The following GBP7 variants were observed in gnomAD, a reference collection of about 807,000 sequenced individuals.
GBP7 encodes the protein guanylate-binding protein 7.
A neutral mutation model predicts 61.3 loss-of-function variants in GBP7; 43 were observed. The ratio of observed to expected loss-of-function variants is 0.70; its 90% CI spans 0.55 to 0.91. The LOEUF (loss-of-function observed/expected upper bound fraction) is 0.91, where lower values mean the gene tolerates loss of function less well. Ranked by LOEUF, GBP7 falls within the 40% of genes least tolerant of loss-of-function variation. GBP7 has a pLI of 0.00. For missense variants in GBP7, 717 were observed against 740.5 expected (o/e 0.97, Z 0.37); for synonymous variants, 267 against 271.0 (o/e 0.99, Z 0.14).
intron 8 of GBP7, among the ~76,000 whole-genome samples, chr1:89,145,893 A>G (rs1041350225): frequency 4.5e-5 from 4 of 88,022 alleles, no homozygotes; most frequent in Admixed American, 1.2e-4. Context: ...TGTTCATACT[A>G]TCTAAAAAAA....
chr1:89,148,948 C>T (rs1314020032), intron 7 of GBP7, among the ~76,000 whole-genome samples: 1 of 152,214 alleles, frequency 6.6e-6, no homozygotes, highest in African/African-American at 2.4e-5. Context: ...ATTACTAAAT[C>T]AAGCTAATTA....
chr1:89,131,971 G>T lies in GBP7; in HGVS notation c.*178C>A. ...TAGGAATAATTTTATCTTCTAACTT[G>T]TTCCCCATTTCTATTAATTATTACT... On this transcript the variant is annotated 3_prime_UTR_variant, in exon 11 of 11. Coordinates refer to ENST00000294671, the MANE Select transcript of GBP7 (RefSeq NM_207398.3). The T allele has an allele frequency of 4.3e-6, 2 of 464,808 alleles. No homozygotes were observed. Among genetic ancestry groups the T allele is most frequent in the Non-Finnish European group, 7.5e-6 (2 of 266,736 alleles). The allele number at this position is 464,808 out of a possible 1,614,324, so 28.8% of individuals were successfully genotyped here. A position where few individuals can be genotyped will look rare whatever the true frequency, so the allele number is the denominator to read the frequency against.
chr1:89,157,216 G>A (rs547009488), intron 3 of GBP7, among the ~76,000 whole-genome samples: 1 of 152,228 alleles, frequency 6.6e-6, no homozygotes, highest in South Asian at 2.1e-4. Context: ...TGTGTAGAGG[G>A]AAATTTATAC....
chr1:89,134,566 G>A (rs1367892359), intron 9 of GBP7, among the ~76,000 whole-genome samples: 3 of 150,286 alleles, frequency 2.0e-5, no homozygotes, highest in Non-Finnish European at 4.4e-5. Context: ...CCCAGCTCAG[G>A]AGTGCTGATC....
intron 10 of GBP7, 78 bp downstream of exon 10, chr1:89,133,180 A>C (rs1681717134): frequency 9.9e-7 from 1 of 1,006,590 alleles, no homozygotes; most frequent in Admixed American, 2.2e-5. Context: ...ATCTTGACTG[A>C]GCTTAAAATT....
At chr1:89,150,618 A>T in intron 5 of GBP7, 43 bp from the exon 6 acceptor site, 2 of 1,596,280 alleles carry the variant, frequency 1.3e-6, no homozygotes, top group Non-Finnish European at 1.7e-6. Flanking sequence ...AACAGGTTTT[A>T]AGTGAGCCTG....
intron 2 of GBP7, among the ~76,000 whole-genome samples, chr1:89,165,744 A>G (rs1251810759): frequency 2.0e-5 from 3 of 151,664 alleles, no homozygotes; most frequent in Non-Finnish European, 4.4e-5. Flanking sequence ...CAGGGAGGGG[A>G]ACATCACACA....
intron 3 of GBP7, among the ~76,000 whole-genome samples, chr1:89,158,389 G>T (rs182605912): frequency 6.6e-6 from 1 of 152,304 alleles, no homozygotes; most frequent in African/African-American, 2.4e-5. Flanking sequence ...GAAATAAAGG[G>T]TATTCAGTTA....
chr1:89,151,836 A>T (rs1682207364), intron 5 of GBP7, among the ~76,000 whole-genome samples: 1 of 152,170 alleles, frequency 6.6e-6, no homozygotes, highest in Admixed American at 6.5e-5. Flanking sequence ...GACTGAGTGA[A>T]ATATATTTCC....
chr1:89,160,177 C>T (rs975430592), intron 3 of GBP7, among the ~76,000 whole-genome samples: 13 of 152,128 alleles, frequency 8.5e-5, no homozygotes, highest in African/African-American at 3.1e-4. Context: ...CACTTGGACA[C>T]AGGGTGAGGA....
At chr1:89,154,762 G>A (rs994914309) in intron 3 of GBP7, among the ~76,000 whole-genome samples, 1 of 151,092 alleles carries the variant, frequency 6.6e-6, no homozygotes, top group Non-Finnish European at 1.5e-5. Flanking sequence ...GTCCAGTGGT[G>A]CCCCTGAACT....
chr1:89,147,869 G>T, intron 7 of GBP7, 90 bp from the exon 8 acceptor site: 1 of 1,337,670 alleles, frequency 7.5e-7, no homozygotes, highest in Non-Finnish European at 1.1e-6. Context: ...TAGTCTCATG[G>T]CCTCAGAGCA....
At chr1:89,154,460 C>T (rs866381930) in intron 3 of GBP7, among the ~76,000 whole-genome samples, 30 of 152,198 alleles carry the variant, frequency 2.0e-4, no homozygotes, top group Non-Finnish European at 3.4e-4. Context: ...AATTCTTCCA[C>T]CTCAGCTTCT....
chr1:89,162,836 T>G (rs1647312191), intron 3 of GBP7, among the ~76,000 whole-genome samples: 1 of 152,208 alleles, frequency 6.6e-6, no homozygotes, highest in African/African-American at 2.4e-5. Flanking sequence ...CCTTGTCTTG[T>G]GCCGGTTTTC....
At chr1:89,143,095 A>G (rs1311611244) in intron 8 of GBP7, among the ~76,000 whole-genome samples, 3 of 152,220 alleles carry the variant, frequency 2.0e-5, no homozygotes, top group South Asian at 2.1e-4. Flanking sequence ...AATTTTAGCA[A>G]TTAAAACCAA....
In GBP7 at chr1:89,149,539, G is replaced by A; in HGVS notation, c.905C>T (p.Ala302Val). Reference protein sequence around the residue: ...LGMLVETYLDAINSGATPCLE... With the variant: ...LGMLVETYLDVINSGATPCLE... ...ACAAGGAGTCGCTCCACTGTTGATG[G>A]CATCCAGGTAGGTCTCCACCAGCAT... The change falls in exon 7 of 11, where the codon GCC becomes GTC. Residue 302 changes from alanine (A) to valine (V), a missense_variant. Physicochemically the swap from Ala to Val is moderately conservative, Grantham distance 64. Around this residue, in one of 3 missense-constraint regions of GBP7, gnomAD observed 387 missense variants for 385.2 expected, o/e 1.00. Transcript: ENST00000294671. The A allele has an allele frequency of 6.2e-7, 1 of 1,614,014 alleles. No individual in the cohort carries two copies. Among genetic ancestry groups the A allele is most frequent in the Non-Finnish European group, 8.5e-7 (1 of 1,179,918 alleles).
At chr1:89,174,065 A>G (rs1167542084) in intron 1 of GBP7, among the ~76,000 whole-genome samples, 5 of 152,200 alleles carry the variant, frequency 3.3e-5, no homozygotes, top group African/African-American at 1.2e-4. Context: ...ACATCTGTTC[A>G]TAGAAAGCTT....
At chr1:89,141,683 C>T in intron 8 of GBP7, 35 bp from the exon 9 acceptor site, 1 of 1,531,588 alleles carries the variant, frequency 6.5e-7, no homozygotes, top group Non-Finnish European at 9.0e-7. Flanking sequence ...ACCTGTCAGG[C>T]AGCAGAAATC....
At position 89,141,778 on chromosome 1, in the gene GBP7, G is replaced by C. The variant is rs1681957801; in HGVS notation, c.1366-130C>G. On this transcript the variant is annotated intron_variant, in intron 8 of 10. Coordinates refer to ENST00000294671, the MANE Select transcript of GBP7 (RefSeq NM_207398.3). ...CACATTATTCTTAAGATTCCACAGT[G>C]GTTTCTTTCCTTCCACAGCCACAAT... The C allele has an allele frequency of 8.6e-6, 6 of 695,658 alleles. No individual in the cohort carries two copies. The South Asian group carries it at 1.2e-4, about 13-fold the overall frequency. The allele number at this position is 695,658 out of a possible 1,614,324, so 43.1% of individuals were successfully genotyped here.
Sources: allele counts gnomAD v4.1 joint callset (sites outside exome capture counted in the v4.1 genomes callset), GRCh38; gene constraint gnomAD v4.1.1; regional missense constraint gnomAD v4.1.1; transcripts MANE v1.5; gene names NCBI Gene and HGNC (gene_info 2026-07-23, HGNC 2026-07-21).